Variants in RBFOX1 observed in about 807,000 individuals in gnomAD.
RBFOX1 encodes the protein RNA binding protein fox-1 homolog 1.
Under a neutral mutation model 57.7 loss-of-function variants are expected in RBFOX1, and 8 were observed. That is an observed-to-expected ratio of 0.14 (90% CI 0.08 to 0.25). The LOEUF (loss-of-function observed/expected upper bound fraction) is 0.25, where lower values mean the gene tolerates loss of function less well. RBFOX1 is among the 10% of genes least tolerant of loss of function. RBFOX1 has a pLI of 1.00. For synonymous variants in RBFOX1, 326 were observed against 222.4 expected (o/e 1.47, Z -4.15); for missense variants, 611 against 548.5 (o/e 1.11, Z -1.14).
chr16:5,929,052 G>A, intron 4 of RBFOX1, among the ~76,000 whole-genome samples: 1 of 133,206 alleles, frequency 7.5e-6, no homozygotes, highest in Non-Finnish European at 1.7e-5. Context: ...AAAAAAAAAA[G>A]GAAAGAAAAT....
intron 4 of RBFOX1, among the ~76,000 whole-genome samples, chr16:5,884,252 C>G (rs1259243309): frequency 1.3e-5 from 2 of 152,148 alleles, no homozygotes; most frequent in East Asian, 1.9e-4. Context: ...TCATGCCTCC[C>G]CAGCAGAGTG....
chr16:6,609,342 T>G (rs2098002315), intron 2 of RBFOX1, among the ~76,000 whole-genome samples: 1 of 152,130 alleles, frequency 6.6e-6, no homozygotes, highest in Non-Finnish European at 1.5e-5. Context: ...TTCTTTTTTC[T>G]CTTTTTTATT....
chr16:5,907,138 C>T (rs984534606), intron 4 of RBFOX1, among the ~76,000 whole-genome samples: 8 of 152,058 alleles, frequency 5.3e-5, no homozygotes, highest in Non-Finnish European at 1.2e-4. Flanking sequence ...TTCTGTGACA[C>T]CTTAAAATTT....
intron 4 of RBFOX1, among the ~76,000 whole-genome samples, chr16:7,379,230 G>C (rs531234694): frequency 6.6e-6 from 1 of 152,262 alleles, no homozygotes; most frequent in Admixed American, 6.5e-5. Context: ...ATGACGTTTA[G>C]CTTTTTGATT....
intron 3 of RBFOX1, among the ~76,000 whole-genome samples, chr16:6,822,220 T>A (rs1052984580): frequency 1.4e-4 from 22 of 152,284 alleles, no homozygotes; most frequent in African/African-American, 4.1e-4. Context: ...CAGTTTGAAA[T>A]GCTGGTATGG....
At chr16:6,497,847 A>G (rs1396023441) in intron 2 of RBFOX1, among the ~76,000 whole-genome samples, 1 of 151,670 alleles carries the variant, frequency 6.6e-6, no homozygotes, top group East Asian at 1.9e-4. Context: ...GTGAGTCACC[A>G]CTCCCGGCCC....
At chr16:6,827,851 TC>T (rs2092343967) in intron 3 of RBFOX1, among the ~76,000 whole-genome samples, 1 of 152,188 alleles carries the variant, frequency 6.6e-6, no homozygotes, top group Non-Finnish European at 1.5e-5. Context: ...GTCCTTCTGT[TC>T]CCCCTCTTAG....
intron 1 of RBFOX1, among the ~76,000 whole-genome samples, chr16:6,041,074 C>T (rs1310302186): frequency 1.3e-5 from 2 of 152,064 alleles, no homozygotes; most frequent in African/African-American, 2.4e-5. Flanking sequence ...GAATAGTTTC[C>T]CTGCTGTAAA....
At chr16:5,391,899 ACACACACACG>A (rs1478173372) in intron 1 of RBFOX1, among the ~76,000 whole-genome samples, 12 of 151,666 alleles carry the variant, frequency 7.9e-5, no homozygotes, top group Non-Finnish European at 1.2e-4. Context: ...ATACACACAC[ACACACACACG>A]CACACACATA....
rs188135129 is a variant in RBFOX1, at chr16:6,850,136, T to G, written c.-16+195486T>G. On this transcript the variant is annotated intron_variant, in intron 3 of 15. Transcript: ENST00000550418. ...TGGATTCTAAAGTAAACTTACAAGTTCCTGCACCCTAGGGTTCCTTTCCCT... is the reference window on the plus strand; with the variant it reads ...TGGATTCTAAAGTAAACTTACAAGTGCCTGCACCCTAGGGTTCCTTTCCCT... 3.9e-5 allele frequency among the ~76,000 whole-genome samples: 6 copies of G among 152,320 alleles called. 1 individual carries two copies. Among genetic ancestry groups the G allele is most frequent in the African/African-American group, 1.4e-4 (6 of 41,576 alleles).
chr16:5,952,413 G>T (rs920094315), intron 4 of RBFOX1, among the ~76,000 whole-genome samples: 3 of 152,048 alleles, frequency 2.0e-5, no homozygotes, highest in Admixed American at 1.3e-4. Context: ...GGCCTCCTGA[G>T]TAGCTGGGAT....
chr16:7,506,703 T>G (rs1406421455), intron 4 of RBFOX1, among the ~76,000 whole-genome samples: 2 of 152,204 alleles, frequency 1.3e-5, no homozygotes, highest in Non-Finnish European at 2.9e-5. Flanking sequence ...TTCGGGTTCT[T>G]TCCCTTACTA....
At chr16:7,457,967 T>G (rs969640924) in intron 4 of RBFOX1, among the ~76,000 whole-genome samples, 1 of 152,176 alleles carries the variant, frequency 6.6e-6, no homozygotes, top group Non-Finnish European at 1.5e-5. Context: ...ACATGCTGTT[T>G]CCTGAAAGGC....
chr16:6,033,889 A>G (rs569273603), intron 1 of RBFOX1, among the ~76,000 whole-genome samples: 1 of 152,300 alleles, frequency 6.6e-6, no homozygotes, highest in Admixed American at 6.5e-5. Context: ...ATGTTGGTGG[A>G]TGAATGGGGT....
intron 4 of RBFOX1, among the ~76,000 whole-genome samples, chr16:5,984,062 T>C (rs1485914038): frequency 3.5e-4 from 12 of 34,084 alleles, no homozygotes; most frequent in African/African-American, 9.3e-4. Flanking sequence ...TCCCCCTCCT[T>C]CTCCCTCCCA....
chr16:6,336,417 G>A (rs1473695970), intron 2 of RBFOX1, among the ~76,000 whole-genome samples: 1 of 151,570 alleles, frequency 6.6e-6, no homozygotes, highest in Non-Finnish European at 1.5e-5. Flanking sequence ...AGTCTCAGTT[G>A]AAATGGGGAC....
chr16:7,159,883 A>C (rs1490171221), intron 4 of RBFOX1, among the ~76,000 whole-genome samples: 1 of 152,240 alleles, frequency 6.6e-6, no homozygotes, highest in Non-Finnish European at 1.5e-5. Context: ...TTGATCATAT[A>C]TACTAATTAT....
chr16:5,762,946 T>G (rs1567508288), intron 3 of RBFOX1, among the ~76,000 whole-genome samples: 1 of 152,242 alleles, frequency 6.6e-6, no homozygotes, highest in Non-Finnish European at 1.5e-5. Flanking sequence ...AAGCAGTTAT[T>G]GCTGAATAGT....
At chr16:7,640,575 G>A (rs940212509) in intron 11 of RBFOX1, among the ~76,000 whole-genome samples, 1 of 152,136 alleles carries the variant, frequency 6.6e-6, no homozygotes, top group African/African-American at 2.4e-5. Flanking sequence ...TGTTGCCCTG[G>A]GATTCCAATG....
Sources: allele counts gnomAD v4.1 joint callset (sites outside exome capture counted in the v4.1 genomes callset), GRCh38; gene constraint gnomAD v4.1.1; transcripts MANE v1.5; gene names NCBI Gene and HGNC (gene_info 2026-07-23, HGNC 2026-07-21).